The following JTB variants were observed in gnomAD, a reference collection of about 807,000 sequenced individuals.
JTB encodes the protein protein JTB.
JTB carries 10 observed loss-of-function variants against 22.1 expected under a neutral mutation model. That is an observed-to-expected ratio of 0.45 (90% confidence interval 0.28 to 0.77). The LOEUF is 0.77. JTB is among the 30% of genes least tolerant of loss of function. The pLI is 0.13. For missense variants in JTB, 137 were observed against 180.3 expected, an observed-to-expected ratio of 0.76 and a Z score of 1.38; for synonymous variants, 83 against 66.8, an observed-to-expected ratio of 1.24 and a Z score of -1.18.
rs1031147098 is a variant in JTB at position 153,977,672 on chromosome 1, G to A, written c.-420C>T. 3 of 989,772 alleles carry A rather than the reference G, an allele frequency of 3.0e-6. No homozygotes were observed. The highest frequency in any genetic ancestry group is 3.6e-6 in the Non-Finnish European group (3 of 832,706). 61.3% of individuals were successfully genotyped at this position (989,772 alleles called of 1,614,324 possible). On this transcript the variant is annotated 5_prime_UTR_variant, in exon 1 of 5. Coordinates refer to ENST00000271843, the MANE Select transcript of JTB (RefSeq NM_006694.4). ...GCTGGGGCTTATAGTCTTCCGCGTCGGTGGCGCCTCGCCTGCTGCTCACTG... is the reference window on the plus strand; with the variant it reads ...GCTGGGGCTTATAGTCTTCCGCGTCAGTGGCGCCTCGCCTGCTGCTCACTG...
In JTB at chr1:153,975,761, G is replaced by A. The variant is rs547980518; in HGVS notation, c.284+65C>T. On this transcript the variant is annotated intron_variant, in intron 4 of 4. Coordinates refer to ENST00000271843, the MANE Select transcript of JTB (RefSeq NM_006694.4). ...CTACCCCCAGACCAGGGGAAAAGGT[G>A]GGACCATCCATCTAAAGTCATAGGA... is the stretch of plus-strand genomic sequence containing the variant. 7.8e-6 allele frequency: 10 copies of A among 1,278,782 alleles called. No individual in the cohort carries two copies. The South Asian group carries it at 8.5e-5, about 11-fold the overall frequency. The allele number at this position is 1,278,782 out of a possible 1,614,324, so 79.2% of individuals were successfully genotyped here. A position where few individuals can be genotyped will look rare whatever the true frequency, so the allele number is the denominator to read the frequency against.
rs567917115 is a variant in JTB, at chr1:153,976,427, C to T, written c.204+266G>A. Among the ~76,000 whole-genome samples the T allele has an allele frequency of 2.6e-5, 4 of 152,302 alleles. No individual in the cohort carries two copies. In the East Asian group the frequency reaches 7.7e-4, roughly 29 times the overall value. On this transcript the variant is annotated intron_variant, in intron 3 of 4. Coordinates refer to ENST00000271843, the MANE Select transcript of JTB (RefSeq NM_006694.4). The stretch of plus-strand genomic sequence containing the variant: ...GGTGAGCCGAGATCTCGCCACTGCA[C>T]TCCAGCCTGGGCAACAGAGTGAGAC...
In JTB at chr1:153,977,434, G is replaced by C. The variant is rs1571123907; in HGVS notation, c.-182C>G. ...ATCAGGACGTCCCCGTTGCCACAGC[G>C]AGAAAAATCGATATGTTTTTGCGGG... On this transcript the variant is annotated 5_prime_UTR_variant, in exon 1 of 5. Coordinates refer to ENST00000271843, the MANE Select transcript of JTB (RefSeq NM_006694.4). 1 of 1,379,606 alleles carries C rather than the reference G, an allele frequency of 7.2e-7. No individual in the cohort carries two copies. The allele number at this position is 1,379,606 out of a possible 1,614,324, so 85.5% of individuals were successfully genotyped here.
Position 153,977,453 on chromosome 1 carries a change from T to C in JTB, c.-201A>G. ...CACAGCGAGAAAAATCGATATGTTT[T>C]TGCGGGCTAGGGAGGCGAGCGCCTT... On this transcript the variant is annotated 5_prime_UTR_variant, in exon 1 of 5. Transcript: ENST00000271843. 7.4e-7 allele frequency: 1 copy of C among 1,351,406 alleles called. No individual in the cohort carries two copies. The highest frequency in any genetic ancestry group is 9.5e-7 in the Non-Finnish European group (1 of 1,052,866). The allele number at this position is 1,351,406 out of a possible 1,614,324, so 83.7% of individuals were successfully genotyped here.
rs570410270 is a variant in JTB at position 153,976,383 on chromosome 1, C to A, written c.204+310G>T. 7.2e-5 allele frequency among the ~76,000 whole-genome samples: 11 copies of A among 152,294 alleles called. No homozygotes were observed. The South Asian group carries it at 2.3e-3, about 32-fold the overall frequency. On this transcript the variant is annotated intron_variant, in intron 3 of 4. Transcript: ENST00000271843. ...GGCTGAGGCAGGAGAATCGCTTGAA[C>A]CCGGGAGGCGGAGGTTGTGGTGAGC...
chr1:153,977,216 CCTGGGGGAGGCCAGGCCT>C lies in JTB; in HGVS notation c.19_36del (p.Arg7_Gln12del). Reference sequence around the variant, plus strand: ...CAGAGCAACCAGCAGAGGTGGCGGCCCTGGGGGAGGCCAGGCCTCCCGGCACCCGCAAGCATGGAGCGC... The same window carrying C: ...CAGAGCAACCAGCAGAGGTGGCGGCCCCCGGCACCCGCAAGCATGGAGCGC... On this transcript the variant is annotated inframe_deletion, in exon 1 of 5. Coordinates refer to ENST00000271843, the MANE Select transcript of JTB (RefSeq NM_006694.4). 6.2e-7 allele frequency: 1 copy of C among 1,614,146 alleles called. No individual in the cohort carries two copies. Among genetic ancestry groups the C allele is most frequent in the Non-Finnish European group, 8.5e-7 (1 of 1,180,028 alleles).
rs1480925229 is a variant in JTB, at chr1:153,976,965, C to A, written c.121+11G>T. 1 of 1,614,056 alleles carries A rather than the reference C, an allele frequency of 6.2e-7. No homozygotes were observed. The highest frequency in any genetic ancestry group is 8.5e-7 in the Non-Finnish European group (1 of 1,180,026). ...CGACGGGACGTGTCGGGTTCCCAGA[C>A]AATCACCCACCTGACAGCTTCTCTT... On this transcript the variant is annotated intron_variant, in intron 2 of 4. Coordinates refer to ENST00000271843, the MANE Select transcript of JTB (RefSeq NM_006694.4).
chr1:153,977,576 C>G lies in JTB; in HGVS notation c.-324G>C. ...CCCGCCCCCGACGCAGCCATCTAGC[C>G]CCGTGGAGGATCCTCGGGCGCGGGA... On this transcript the variant is annotated 5_prime_UTR_variant, in exon 1 of 5. Coordinates refer to ENST00000271843, the MANE Select transcript of JTB (RefSeq NM_006694.4). 9.4e-7 allele frequency: 1 copy of G among 1,059,072 alleles called. No homozygotes were observed. The highest frequency in any genetic ancestry group is 3.3e-5 in the South Asian group (1 of 30,252). 65.6% of individuals were successfully genotyped at this position (1,059,072 alleles called of 1,614,324 possible). A position where few individuals can be genotyped will look rare whatever the true frequency, so the allele number is the denominator to read the frequency against.
chr1:153,977,071 T>C (rs1473751823), intron 1 of JTB, 58 bp from the exon 2 acceptor site: 2 of 1,613,842 alleles, frequency 1.2e-6, no homozygotes, highest in Non-Finnish European at 1.7e-6. Flanking sequence ...GGGCACCCCC[T>C]CCTGCGCTGT....
rs150771980 is a variant in JTB at position 153,974,987 on chromosome 1, G to C, written c.285-152C>G. 164 of 686,870 alleles carry C rather than the reference G, an allele frequency of 2.4e-4. No homozygotes were observed. In the East Asian group the frequency reaches 3.4e-3, roughly 14 times the overall value. 42.5% of individuals were successfully genotyped at this position (686,870 alleles called of 1,614,324 possible). A position where few individuals can be genotyped will look rare whatever the true frequency, so the allele number is the denominator to read the frequency against. ...ATAGTACATAAATCCCTCTCAAATA[G>C]ATCATTTAATTTATTCTCTGGATAA... On this transcript the variant is annotated intron_variant, in intron 4 of 4. Transcript: ENST00000271843.
At position 153,977,506 on chromosome 1, in the gene JTB, A is replaced by G; in HGVS notation, c.-254T>C. 8.4e-7 allele frequency: 1 copy of G among 1,190,924 alleles called. No homozygotes were observed. Among genetic ancestry groups the G allele is most frequent in the South Asian group, 2.3e-5 (1 of 42,650 alleles). 73.8% of individuals were successfully genotyped at this position (1,190,924 alleles called of 1,614,324 possible). A position where few individuals can be genotyped will look rare whatever the true frequency, so the allele number is the denominator to read the frequency against. ...GCGGGGTCCGCAGGGCGCTGGAGGA[A>G]GGGCCGGCGGGGGCTCGCGGCCCTA... is the stretch of plus-strand genomic sequence containing the variant. On this transcript the variant is annotated 5_prime_UTR_variant, in exon 1 of 5. Transcript: ENST00000271843.
rs897844513 is a variant in JTB at position 153,977,630 on chromosome 1, G to C, written c.-378C>G. ...AGCTCGGGGCCCGGTGTTCCCGGGG[G>C]CGTTCGGTCGTCGCCCGCTGGGGCT... On this transcript the variant is annotated 5_prime_UTR_variant, in exon 1 of 5. Coordinates refer to ENST00000271843, the MANE Select transcript of JTB (RefSeq NM_006694.4). The C allele has an allele frequency of 3.5e-5, 35 of 1,012,086 alleles. No homozygotes were observed. In the African/African-American group the frequency reaches 6.1e-4, roughly 17 times the overall value. 62.7% of individuals were successfully genotyped at this position (1,012,086 alleles called of 1,614,324 possible).
Position 153,977,609 on chromosome 1 carries a change from C to T in JTB, c.-357G>A, listed in dbSNP as rs1042048763. The T allele has an allele frequency of 3.9e-6, 4 of 1,023,514 alleles. No individual in the cohort carries two copies. Among genetic ancestry groups the T allele is most frequent in the Middle Eastern group, 4.8e-4 (1 of 2,070 alleles). The allele number at this position is 1,023,514 out of a possible 1,614,324, so 63.4% of individuals were successfully genotyped here. On this transcript the variant is annotated 5_prime_UTR_variant, in exon 1 of 5. Transcript: ENST00000271843. ...GGATCCTCGGGCGCGGGACCGAGCT[C>T]GGGGCCCGGTGTTCCCGGGGGCGTT...
chr1:153,977,036 G>A, intron 1 of JTB, 23 bp from the exon 2 acceptor site: 2 of 1,614,148 alleles, frequency 1.2e-6, no homozygotes, highest in South Asian at 1.1e-5. Flanking sequence ...TGGGGGAAGG[G>A]ACAAAAGTCA....
intron 4 of JTB, among the ~76,000 whole-genome samples, chr1:153,975,067 T>C (rs937064790): frequency 3.3e-5 from 5 of 152,206 alleles, no homozygotes; most frequent in African/African-American, 1.2e-4. Flanking sequence ...AATAACATAG[T>C]GCTGAGGAGT....
In JTB at chr1:153,977,219, G is replaced by A; in HGVS notation, c.34C>T (p.Gln12Ter). 6.2e-7 allele frequency: 1 copy of A among 1,614,138 alleles called. No homozygotes were observed. The highest frequency in any genetic ancestry group is 8.5e-7 in the Non-Finnish European group (1 of 1,180,008). Residue 12 changes from glutamine (Q) to a stop codon, truncating the protein, a stop_gained, in exon 1 of 5, where the codon CAG (glutamine) becomes TAG (stop). Transcript: ENST00000271843. LOFTEE classifies it high-confidence loss of function. The part of the protein sequence containing the change: ...LAGAGRPGLP[Q>*]GRHLCWLLCA... The stretch of plus-strand genomic sequence containing the variant: ...AGCAACCAGCAGAGGTGGCGGCCCT[G>A]GGGGAGGCCAGGCCTCCCGGCACCC...
chr1:153,975,884 G>A lies in JTB; in HGVS notation c.226C>T (p.Pro76Ser), dbSNP rs763085971. Residue 76 changes from proline (P) to serine (S), a missense_variant, in exon 4 of 5, where the codon CCC becomes TCC. Coordinates refer to ENST00000271843, the MANE Select transcript of JTB (RefSeq NM_006694.4). ...GTGATTTTCTCTACATATCCTGTGG[G>A]ACCACACTCAGGGGTAGTTTTCTGC... is the stretch of plus-strand genomic sequence containing the variant. ...FRAKTTPECGPTGYVEKITCS... is the reference protein window; with the variant it reads ...FRAKTTPECGSTGYVEKITCS... The A allele has an allele frequency of 1.9e-6, 3 of 1,613,990 alleles. No homozygotes were observed. Among genetic ancestry groups the A allele is most frequent in the Middle Eastern group, 1.6e-4 (1 of 6,062 alleles).
intron 4 of JTB, 38 bp downstream of exon 4, chr1:153,975,788 C>G (rs762289192): frequency 4.0e-5 from 60 of 1,516,338 alleles, no homozygotes; most frequent in Non-Finnish European, 5.3e-5. Flanking sequence ...GTCATAGGAG[C>G]AAAGGAGGTG....
At chr1:153,976,008 A>AGTG (rs1648783801) in intron 3 of JTB, 103 bp from the exon 4 acceptor site, 1 of 764,954 alleles carries the variant, frequency 1.3e-6, no homozygotes, top group East Asian at 2.5e-5. Context: ...TATGGTTTGG[A>AGTG]GTGGTAGGCA....
Sources: allele counts gnomAD v4.1 joint callset (sites outside exome capture counted in the v4.1 genomes callset), GRCh38; gene constraint gnomAD v4.1.1; transcripts MANE v1.5; gene names NCBI Gene and HGNC (gene_info 2026-07-23, HGNC 2026-07-21).